Variants in GPC5 observed in about 807,000 individuals in gnomAD.
GPC5 encodes glypican-5.
GPC5 carries 47 observed loss-of-function variants against 53.9 expected under a neutral mutation model. The observed-to-expected ratio is 0.87, with a 90% confidence interval of 0.69 to 1.11. The LOEUF (loss-of-function observed/expected upper bound fraction) is 1.11. Among genes scored for constraint, GPC5 ranks in the 50% most tolerant of loss-of-function variants. The pLI is 0.00. For synonymous variants in GPC5, 286 were observed against 263.3 expected (o/e 1.09, Z -0.84); for missense variants, 748 against 713.1 (o/e 1.05, Z -0.56).
At chr13:91,476,081 A>G (rs967121309) in intron 2 of GPC5, among the ~76,000 whole-genome samples, 5 of 152,232 alleles carry the variant, frequency 3.3e-5, no homozygotes, top group African/African-American at 1.2e-4. Context: ...GGCTTTTTCA[A>G]CATGGCACTA....
intron 7 of GPC5, among the ~76,000 whole-genome samples, chr13:92,583,393 C>G (rs1883431870): frequency 6.6e-6 from 1 of 152,202 alleles, no homozygotes; most frequent in African/African-American, 2.4e-5. Flanking sequence ...AATTCCTACT[C>G]TGTCAGTCAG....
At chr13:91,781,599 C>G (rs1162558594) in intron 5 of GPC5, among the ~76,000 whole-genome samples, 1 of 152,174 alleles carries the variant, frequency 6.6e-6, no homozygotes, top group Non-Finnish European at 1.5e-5. Flanking sequence ...ATATGCCAAG[C>G]CTAACAATTG....
intron 7 of GPC5, among the ~76,000 whole-genome samples, chr13:92,457,654 G>A (rs147240556): frequency 6.6e-6 from 1 of 152,262 alleles, no homozygotes; most frequent in East Asian, 1.9e-4. Flanking sequence ...ATGGCTTTGT[G>A]TATCTCGCTA....
chr13:91,524,630 T>C (rs914612940), intron 2 of GPC5, among the ~76,000 whole-genome samples: 1 of 152,182 alleles, frequency 6.6e-6, no homozygotes, highest in African/African-American at 2.4e-5. Context: ...TACGTCATCC[T>C]GGGCCAGACC....
At chr13:91,777,550 AT>A (rs1219355058) in intron 5 of GPC5, among the ~76,000 whole-genome samples, 11 of 152,212 alleles carry the variant, frequency 7.2e-5, no homozygotes, top group Non-Finnish European at 1.5e-4. Context: ...CATTACATAA[AT>A]ATATAGAGAT....
intron 7 of GPC5, among the ~76,000 whole-genome samples, chr13:92,176,904 T>C (rs1351099865): frequency 6.6e-6 from 1 of 152,174 alleles, no homozygotes; most frequent in African/African-American, 2.4e-5. Flanking sequence ...CCTTCATCAG[T>C]CATTAACTAC....
At chr13:92,655,376 C>A (rs1255553718) in intron 7 of GPC5, among the ~76,000 whole-genome samples, 1 of 150,582 alleles carries the variant, frequency 6.6e-6, no homozygotes, top group Non-Finnish European at 1.5e-5. Context: ...CTCTTGTCAC[C>A]CAGGCTGGCA....
At chr13:92,764,154 C>T (rs1262513337) in intron 7 of GPC5, among the ~76,000 whole-genome samples, 1 of 152,208 alleles carries the variant, frequency 6.6e-6, no homozygotes, top group East Asian at 1.9e-4. Flanking sequence ...TGCTTTAGCT[C>T]AGGCCGATGG....
intron 7 of GPC5, among the ~76,000 whole-genome samples, chr13:92,556,050 T>C (rs1882483489): frequency 6.6e-6 from 1 of 151,774 alleles, no homozygotes; most frequent in South Asian, 2.1e-4. Context: ...TGAGTAGATA[T>C]TTTTATACTC....
intron 7 of GPC5, among the ~76,000 whole-genome samples, chr13:92,672,811 T>A (rs541174614): frequency 1.4e-4 from 21 of 152,078 alleles, no homozygotes; most frequent in South Asian, 2.1e-4. Flanking sequence ...CATGTTCTCA[T>A]TTATAAGTGG....
chr13:92,466,856 C>G (rs1287596846), intron 7 of GPC5, among the ~76,000 whole-genome samples: 1 of 152,058 alleles, frequency 6.6e-6, no homozygotes, highest in African/African-American at 2.4e-5. Context: ...GAATATCAAA[C>G]AATCCCGATG....
At chr13:92,341,895 T>G (rs1483661014) in intron 7 of GPC5, among the ~76,000 whole-genome samples, 1 of 152,134 alleles carries the variant, frequency 6.6e-6, no homozygotes, top group Non-Finnish European at 1.5e-5. Flanking sequence ...GTAAGGACAA[T>G]ACAATTTATG....
chr13:92,751,326 A>AAAAAAAAAAAAAAC (rs1566400610), intron 7 of GPC5, among the ~76,000 whole-genome samples: 1 of 147,512 alleles, frequency 6.8e-6, no homozygotes, highest in African/African-American at 2.5e-5. Context: ...AAAAAAAAAA[A>AAAAAAAAAAAAAAC]AAAAAAAAAC....
At chr13:92,156,515 C>A (rs1471134345) in intron 7 of GPC5, among the ~76,000 whole-genome samples, 1 of 151,880 alleles carries the variant, frequency 6.6e-6, no homozygotes, top group Non-Finnish European at 1.5e-5. Flanking sequence ...TGGTGGTGTG[C>A]TCTCTCTCAT....
chr13:92,779,659 C>T (rs1343782364), intron 7 of GPC5, among the ~76,000 whole-genome samples: 7 of 152,066 alleles, frequency 4.6e-5, no homozygotes, highest in Non-Finnish European at 5.9e-5. Context: ...TGTCTGGCCT[C>T]AACCTATATT....
intron 5 of GPC5, among the ~76,000 whole-genome samples, chr13:91,781,118 A>T (rs1399523033): frequency 6.6e-6 from 1 of 152,180 alleles, no homozygotes; most frequent in Non-Finnish European, 1.5e-5. Flanking sequence ...GCTTGTGCAC[A>T]AGTGCACAAG....
intron 7 of GPC5, among the ~76,000 whole-genome samples, chr13:92,648,158 T>TA (rs571471330): frequency 6.6e-6 from 1 of 152,216 alleles, no homozygotes; most frequent in African/African-American, 2.4e-5. Context: ...GGTAAGAACA[T>TA]AAAAAACTGG....
chr13:92,617,743 A>G (rs886331870), intron 7 of GPC5, among the ~76,000 whole-genome samples: 1 of 152,244 alleles, frequency 6.6e-6, no homozygotes, highest in African/African-American at 2.4e-5. Flanking sequence ...TGGTAGTAAC[A>G]TAACAATGAA....
At chr13:92,017,927 C>T (rs1200390632) in intron 6 of GPC5, among the ~76,000 whole-genome samples, 2 of 151,936 alleles carry the variant, frequency 1.3e-5, no homozygotes, top group African/African-American at 4.8e-5. Context: ...TACATACACA[C>T]TTCCACAAAA....
Sources: allele counts gnomAD v4.1 joint callset (sites outside exome capture counted in the v4.1 genomes callset), GRCh38; gene constraint gnomAD v4.1.1; transcripts MANE v1.5; gene names NCBI Gene and HGNC (gene_info 2026-07-23, HGNC 2026-07-21).